PEX5: variants seen among roughly 807,000 people sequenced by gnomAD.
PEX5 encodes the protein PTS1 receptor.
PEX5 carries 52 observed loss-of-function variants against 82.9 expected under a neutral mutation model. The observed-to-expected ratio is 0.63, with a 90% CI of 0.50 to 0.79. The LOEUF (loss-of-function observed/expected upper bound fraction) is 0.79, where lower values mean the gene tolerates loss of function less well. Among genes scored for constraint, PEX5 ranks in the 30% least tolerant of loss-of-function variants. The pLI is 0.00. For synonymous variants in PEX5, 300 were observed against 318.8 expected, an observed-to-expected ratio of 0.94 and a Z score of 0.63; for missense variants, 719 against 815.2, an observed-to-expected ratio of 0.88 and a Z score of 1.44.
In PEX5 at chr12:7,208,772, C is replaced by T. The variant is rs1945147867; in HGVS notation, c.1394+103C>T. 9 of 1,039,406 alleles carry T rather than the reference C, an allele frequency of 8.7e-6. No individual in the cohort carries two copies. In the African/African-American group the frequency reaches 9.4e-5, roughly 11 times the overall value. The allele number at this position is 1,039,406 out of a possible 1,614,324, so 64.4% of individuals were successfully genotyped here. A position where few individuals can be genotyped will look rare whatever the true frequency, so the allele number is the denominator to read the frequency against. On this transcript the variant is annotated intron_variant, in intron 13 of 15. Transcript: ENST00000675855. ...TTTGGATGGATTGAGACTGAAGGGT[C>T]CTGAGAATGGGATGGGAAACCTAGG...
intron 5 of PEX5, among the ~76,000 whole-genome samples, chr12:7,197,396 A>ATATGTCATATACAATGTAATAAT (rs1942867725): frequency 7.7e-5 from 6 of 77,542 alleles, no homozygotes; most frequent in East Asian, 2.8e-4. Context: ...TAATAATTAT[A>ATATGTCATATACAATGTAATAAT]TATATGTCAT....
intron 5 of PEX5, among the ~76,000 whole-genome samples, chr12:7,194,752 T>C (rs756699152): frequency 6.6e-6 from 1 of 152,202 alleles, no homozygotes; most frequent in African/African-American, 2.4e-5. Flanking sequence ...TCGTGAGAGA[T>C]AAACCTGCAC....
downstream of PEX5, among the ~76,000 whole-genome samples, chr12:7,214,863 GATA>G (rs1208620906): frequency 9.2e-5 from 14 of 151,850 alleles, no homozygotes; most frequent in Admixed American, 5.9e-4. Context: ...ATATAATACT[GATA>G]ATGATATCAG....
chr12:7,190,110 A>G, intron 1 of PEX5: 1 of 1,486,084 alleles, frequency 6.7e-7, no homozygotes, highest in Non-Finnish European at 8.9e-7. Context: ...CCCCCAGCCC[A>G]TGGGACCGTA....
At position 7,209,011 on chromosome 12, in the gene PEX5, G is replaced by A. The variant is rs1329407791; in HGVS notation, c.1401G>A (p.Leu467=). ...RILGSLLSDS[L]FLEVKELFLA... ...TTTTTTCCTTTTCATCCAGCTCCCT[G>A]TTTCTTGAAGTGAAAGAGCTCTTCC... The change falls in exon 14 of 16, where the codon CTG becomes CTA. Residue 467 remains leucine, a synonymous_variant. Coordinates refer to ENST00000675855, the MANE Select transcript of PEX5 (RefSeq NM_001351132.2). The A allele has an allele frequency of 1.2e-6, 2 of 1,613,978 alleles. No homozygotes were observed. The highest frequency in any genetic ancestry group is 1.7e-6 in the Non-Finnish European group (2 of 1,179,988).
At chr12:7,209,994 C>A in intron 15 of PEX5, 28 bp from the exon 16 acceptor site, 1 of 1,611,804 alleles carries the variant, frequency 6.2e-7, no homozygotes, top group Non-Finnish European at 8.5e-7. Context: ...TTCAGCTTAA[C>A]AGCTCTCATT....
At position 7,208,476 on chromosome 12, in the gene PEX5, G is replaced by C; in HGVS notation, c.1201G>C (p.Asp401His). 6.2e-7 allele frequency: 1 copy of C among 1,614,006 alleles called. No individual in the cohort carries two copies. The highest frequency in any genetic ancestry group is 1.1e-5 in the South Asian group (1 of 91,072). Residue 401 changes from aspartate to histidine, a missense_variant, in exon 13 of 16, where the codon GAT (aspartate) becomes CAT (histidine). Transcript: ENST00000675855. ...ALRRCLELKPDNQTALMALAV... is the reference protein window; with the variant it reads ...ALRRCLELKPHNQTALMALAV... ...AAACAGGTGTCTGGAGCTAAAGCCA[G>C]ATAACCAGACAGCACTGATGGCGCT...
intron 5 of PEX5, among the ~76,000 whole-genome samples, chr12:7,195,305 G>A (rs759788486): frequency 6.6e-6 from 1 of 152,294 alleles, no homozygotes; most frequent in African/African-American, 2.4e-5. Context: ...CATCCCCTCT[G>A]TAGACCTTAG....
At position 7,203,665 on chromosome 12, in the gene PEX5, C is replaced by T. The variant is rs760277144; in HGVS notation, c.966+114C>T. The stretch of plus-strand genomic sequence containing the variant: ...AAGTATTTTCTTGAGTCCCTTTCCA[C>T]GAAAAGAAGTCTGAATAATTCCCTT... On this transcript the variant is annotated intron_variant, in intron 10 of 15. Coordinates refer to ENST00000675855, the MANE Select transcript of PEX5 (RefSeq NM_001351132.2). 43 of 1,012,618 alleles carry T rather than the reference C, an allele frequency of 4.2e-5. 1 individual carries two copies. The highest frequency in any genetic ancestry group is 1.3e-4 in the East Asian group (5 of 37,916). 62.7% of individuals were successfully genotyped at this position (1,012,618 alleles called of 1,614,324 possible).
At position 7,190,886 on chromosome 12, in the gene PEX5, A is replaced by G. The variant is rs1388413893; in HGVS notation, c.148-2A>G. ...TTGTACATCTCTGTCTTTCTCTCTT[A>G]GGCCTCCAAGCCTTTGGGAGTAGCT... On this transcript the variant is annotated splice_acceptor_variant, in intron 2 of 15. Transcript: ENST00000675855. LOFTEE classifies it high-confidence loss of function. 1.2e-6 allele frequency: 2 copies of G among 1,613,152 alleles called. No individual in the cohort carries two copies. Among genetic ancestry groups the G allele is most frequent in the South Asian group, 2.2e-5 (2 of 91,070 alleles).
chr12:7,205,466 C>G (rs997538455), intron 10 of PEX5, among the ~76,000 whole-genome samples: 1 of 152,150 alleles, frequency 6.6e-6, no homozygotes, highest in East Asian at 1.9e-4. Context: ...CATTGCAGCT[C>G]AGGCAGATAT....
chr12:7,197,279 A>ATGTCAT (rs1942769722), intron 5 of PEX5, among the ~76,000 whole-genome samples: 3 of 134,822 alleles, frequency 2.2e-5, no homozygotes, highest in African/African-American at 8.5e-5. Context: ...TGTCATATAT[A>ATGTCAT]ATGTAATAAT....
chr12:7,193,207 A>G (rs1201887650), intron 5 of PEX5, among the ~76,000 whole-genome samples: 1 of 151,418 alleles, frequency 6.6e-6, no homozygotes, highest in Non-Finnish European at 1.5e-5. Flanking sequence ...TGATATTCAA[A>G]CTCATGTCTG....
chr12:7,202,476 C>G, intron 8 of PEX5, 125 bp downstream of exon 8: 1 of 1,420,050 alleles, frequency 7.0e-7, no homozygotes, highest in South Asian at 1.2e-5. Flanking sequence ...ATCCAGGTCC[C>G]AAGTGGGTGG....
intron 5 of PEX5, among the ~76,000 whole-genome samples, chr12:7,194,350 C>G (rs1187515674): frequency 1.3e-5 from 2 of 151,896 alleles, no homozygotes; most frequent in Admixed American, 6.6e-5. Context: ...TTCTGTATAC[C>G]CTTCACCCAG....
chr12:7,216,828 T>C (rs1945793784), intron 17 of PEX5, among the ~76,000 whole-genome samples: 1 of 152,200 alleles, frequency 6.6e-6, no homozygotes, highest in African/African-American at 2.4e-5. Flanking sequence ...GCAGGGACCC[T>C]GAAGTCATTA....
At position 7,202,731 on chromosome 12, in the gene PEX5, C is replaced by A. The variant is rs61573078; in HGVS notation, c.846+27C>A. ...TGAGAGCAGATAGTGCAGGAGCAGA[C>A]ACCCCAAAAGAAAACACTCCTTGGA... On this transcript the variant is annotated intron_variant, in intron 9 of 15. Coordinates refer to ENST00000675855, the MANE Select transcript of PEX5 (RefSeq NM_001351132.2). The A allele has an allele frequency of 0.075, 113,410 of 1,516,634 alleles. 7,408 individuals are homozygous for A. Among genetic ancestry groups the A allele is most frequent in the Admixed American group, 0.31 (18,418 of 59,882 alleles). The allele number at this position is 1,516,634 out of a possible 1,614,324, so 93.9% of individuals were successfully genotyped here. A position where few individuals can be genotyped will look rare whatever the true frequency, so the allele number is the denominator to read the frequency against.
At chr12:7,209,271 G>A in intron 14 of PEX5, 101 bp downstream of exon 14, 13 of 1,215,700 alleles carry the variant, frequency 1.1e-5, no homozygotes, top group Non-Finnish European at 1.6e-5. Context: ...TGTAGTCCCA[G>A]CTACTTGGGA....
chr12:7,208,429 T>C lies in PEX5; in HGVS notation c.1182-28T>C, dbSNP rs1196423717. ...GTGCCAGTGTCAGTCATTGCAGATA[T>C]CAAGTCTGCCCATCCCTGATCAAAC... On this transcript the variant is annotated intron_variant, in intron 12 of 15. Transcript: ENST00000675855. The C allele has an allele frequency of 1.3e-5, 21 of 1,562,102 alleles. No individual in the cohort carries two copies. The Admixed American group carries it at 2.9e-4, about 21-fold the overall frequency.
Sources: allele counts gnomAD v4.1 joint callset (sites outside exome capture counted in the v4.1 genomes callset), GRCh38; gene constraint gnomAD v4.1.1; transcripts MANE v1.5; gene names NCBI Gene and HGNC (gene_info 2026-07-23, HGNC 2026-07-21).